The following LETMD1 variants were observed in gnomAD, a reference collection of about 807,000 sequenced individuals.
LETMD1 encodes LETM1 domain containing 1.
LETMD1 carries 30 observed loss-of-function variants against 43.9 expected under a neutral mutation model. That is an observed-to-expected ratio of 0.68 (90% CI 0.51 to 0.93). LETMD1 has a LOEUF of 0.93. Ranked by LOEUF, LETMD1 falls within the 40% of genes least tolerant of loss-of-function variation. The pLI, the probability that LETMD1 is intolerant of heterozygous loss-of-function variation, is 0.00. For missense variants in LETMD1, 413 were observed against 447.7 expected (o/e 0.92, Z 0.70); for synonymous variants, 176 against 163.1 (o/e 1.08, Z -0.60).
chr12:51,064,417 C>T (rs1200351136), downstream of LETMD1: 2 of 1,613,186 alleles, frequency 1.2e-6, no homozygotes, highest in East Asian at 2.2e-5. Flanking sequence ...ACTGCTGTCT[C>T]ATTCTCAGCA....
downstream of LETMD1, chr12:51,063,651 G>A (rs1001888788): frequency 2.1e-6 from 2 of 958,842 alleles, no homozygotes; most frequent in Non-Finnish European, 1.5e-6. Context: ...TAACATGGGA[G>A]CAGCAGCTGC....
chr12:51,058,951 T>C (rs1948498522), intron 8 of LETMD1: 2 of 215,200 alleles, frequency 9.3e-6, no homozygotes, highest in Non-Finnish European at 1.9e-5. Flanking sequence ...ACAAAGCATC[T>C]GAGGGTATGT....
chr12:51,048,615 A>G (rs1945021114), intron 1 of LETMD1, 137 bp downstream of exon 1: 1 of 1,129,724 alleles, frequency 8.9e-7, no homozygotes, highest in Non-Finnish European at 1.2e-6. Context: ...TTCAGGATTC[A>G]AACTCCGATC....
chr12:51,068,260 C>T, the LETMD1 span, among the ~76,000 whole-genome samples: 4 of 152,136 alleles, frequency 2.6e-5, no homozygotes, highest in Non-Finnish European at 4.4e-5. Context: ...CGGGTTCAAG[C>T]GATTCTCCTG....
chr12:51,048,932 T>C, intron 1 of LETMD1, 102 bp from the exon 2 acceptor site: 2 of 1,134,874 alleles, frequency 1.8e-6, no homozygotes, highest in Admixed American at 2.3e-5. Context: ...GTGTCAAGCC[T>C]TGGGATACAA....
chr12:51,064,714 C>A, downstream of LETMD1: 2 of 1,463,436 alleles, frequency 1.4e-6, no homozygotes, highest in South Asian at 3.1e-5. Flanking sequence ...ACCTACAATC[C>A]TAACAATGGA....
chr12:51,066,593 A>T, the LETMD1 span, among the ~76,000 whole-genome samples: 1 of 151,098 alleles, frequency 6.6e-6, no homozygotes, highest in Non-Finnish European at 1.5e-5. Flanking sequence ...GTGAGCCAAG[A>T]TCGCGCCACT....
At chr12:51,049,376 T>C in intron 2 of LETMD1, 191 bp downstream of exon 2, 4 of 543,794 alleles carry the variant, frequency 7.4e-6, no homozygotes, top group Non-Finnish European at 9.7e-6. Context: ...AGAAAGATGT[T>C]ATGAGAAACA....
chr12:51,065,540 G>T, the LETMD1 span, among the ~76,000 whole-genome samples: 2 of 151,996 alleles, frequency 1.3e-5, no homozygotes, highest in Admixed American at 6.6e-5. Context: ...CTGTCGTCCA[G>T]GCTGGAGTGC....
the LETMD1 span, among the ~76,000 whole-genome samples, chr12:51,068,550 A>T: frequency 2.6e-5 from 4 of 152,176 alleles, no homozygotes; most frequent in African/African-American, 9.7e-5. Flanking sequence ...CTTACGTACC[A>T]TCACCTTTCT....
chr12:51,048,713 G>T, intron 1 of LETMD1: 1 of 614,184 alleles, frequency 1.6e-6, no homozygotes. Flanking sequence ...TCATCTTTCA[G>T]CCTCACTTTT....
At chr12:51,064,238 G>A (rs752101761), downstream of LETMD1, 3 of 1,613,504 alleles carry the variant, frequency 1.9e-6, no homozygotes, top group Non-Finnish European at 2.5e-6. Context: ...GAGCCTGGAT[G>A]AGAATGGGGG....
intron 4 of LETMD1, among the ~76,000 whole-genome samples, chr12:51,055,241 CA>C (rs1947316742): frequency 6.6e-6 from 1 of 152,144 alleles, no homozygotes; most frequent in African/African-American, 2.4e-5. Flanking sequence ...TGCTTTAGTT[CA>C]AAATGAGTCA....
downstream of LETMD1, chr12:51,064,268 C>G: frequency 6.2e-7 from 1 of 1,612,802 alleles, no homozygotes; most frequent in Non-Finnish European, 8.5e-7. Flanking sequence ...CTGGGCACAG[C>G]TCTTCGGGGA....
chr12:51,065,572 T>C, the LETMD1 span, among the ~76,000 whole-genome samples: 1 of 152,014 alleles, frequency 6.6e-6, no homozygotes, highest in Non-Finnish European at 1.5e-5. Flanking sequence ...CATGGCTCAC[T>C]GCAGCCTGGA....
chr12:51,053,332 C>T (rs915799000), intron 3 of LETMD1, among the ~76,000 whole-genome samples: 2 of 152,136 alleles, frequency 1.3e-5, no homozygotes, highest in Admixed American at 6.6e-5. Context: ...AGGAACTAAC[C>T]ATCCAGAAGT....
At chr12:51,048,563 C>T in intron 1 of LETMD1, 85 bp downstream of exon 1, 2 of 1,528,458 alleles carry the variant, frequency 1.3e-6, no homozygotes, top group African/African-American at 1.4e-5. Context: ...TCTCTTAATT[C>T]TCAGAGTTCC....
the LETMD1 span, chr12:51,067,871 A>G: frequency 4.3e-6 from 7 of 1,614,162 alleles, no homozygotes; most frequent in Non-Finnish European, 5.9e-6. This position sits in a 1 kb window ranked among gnomAD's most constrained non-coding sequence, Gnocchi z 4.1. Context: ...AGAAGTAATC[A>G]TCCACCTCCA....
At chr12:51,063,781 C>A, downstream of LETMD1, 1 of 1,585,038 alleles carries the variant, frequency 6.3e-7, no homozygotes, top group Non-Finnish European at 8.6e-7. Flanking sequence ...GAAGAATCTT[C>A]AGGGGGCCGA....
Sources: allele counts gnomAD v4.1 joint callset (sites outside exome capture counted in the v4.1 genomes callset), GRCh38; gene constraint gnomAD v4.1.1; non-coding constraint Gnocchi (gnomAD v3.1); transcripts MANE v1.5; gene names NCBI Gene and HGNC (gene_info 2026-07-23, HGNC 2026-07-21).